WWOX: variants seen among roughly 807,000 people sequenced by gnomAD.
WWOX encodes the protein WW domain containing oxidoreductase.
WWOX carries 69 observed loss-of-function variants against 46.2 expected under a neutral mutation model. The observed-to-expected ratio is 1.49, with a 90% CI of 1.23 to 1.82. The LOEUF is 1.82. Among genes scored for constraint, WWOX ranks in the 40% most tolerant of loss-of-function variants. WWOX has a pLI of 0.00. For missense variants in WWOX, 919 were observed against 542.6 expected, an observed-to-expected ratio of 1.69 and a Z score of -6.89; for synonymous variants, 359 against 202.6, an observed-to-expected ratio of 1.77 and a Z score of -6.56.
At chr16:78,492,019 A>G (rs906779304) in intron 8 of WWOX, among the ~76,000 whole-genome samples, 9 of 86,230 alleles carry the variant, frequency 1.0e-4, no homozygotes, top group African/African-American at 2.6e-4. Context: ...GCCATTCTCA[A>G]TGGACAAAGG....
chr16:78,568,561 T>C (rs7205879), intron 8 of WWOX, among the ~76,000 whole-genome samples: 77,751 of 149,858 alleles, frequency 0.52, 22,804 homozygotes, highest in African/African-American at 0.82. Context: ...CTGCAACCTC[T>C]GCCTCCTGGA....
intron 8 of WWOX, among the ~76,000 whole-genome samples, chr16:79,058,562 A>G (rs2150544367): frequency 6.6e-6 from 1 of 152,324 alleles, no homozygotes; most frequent in Admixed American, 6.5e-5. Context: ...GGAATTGAAA[A>G]GACATTCACG....
At chr16:79,086,064 C>T (rs1290687857) in intron 8 of WWOX, among the ~76,000 whole-genome samples, 2 of 106,790 alleles carry the variant, frequency 1.9e-5, no homozygotes, top group Non-Finnish European at 3.8e-5. Context: ...AGTGTGAGAC[C>T]CCATCTCCAA....
chr16:78,423,443 A>G (rs1057148660), intron 6 of WWOX, among the ~76,000 whole-genome samples: 2 of 152,130 alleles, frequency 1.3e-5, no homozygotes, highest in Non-Finnish European at 2.9e-5. Flanking sequence ...AACACCGTGG[A>G]TAGCCTTGTA....
In WWOX at chr16:78,876,004, C is replaced by G. The variant is rs117362121; in HGVS notation, c.1057-335604C>G. Reference sequence around the variant, plus strand: ...TTTGAGTTATACCCACTTTAGGTCTCCCACCCTCTCTTATTTTTATAAACA... The same window carrying G: ...TTTGAGTTATACCCACTTTAGGTCTGCCACCCTCTCTTATTTTTATAAACA... On this transcript the variant is annotated intron_variant, in intron 8 of 8. Coordinates refer to ENST00000566780, the MANE Select transcript of WWOX (RefSeq NM_016373.4). 2.0e-4 allele frequency among the ~76,000 whole-genome samples: 30 copies of G among 152,184 alleles called. 1 individual carries two copies. The highest frequency in any genetic ancestry group is 5.3e-4 in the African/African-American group (22 of 41,528).
chr16:78,333,146 GTTCAGGCGATTC>G (rs1400269727), intron 5 of WWOX, among the ~76,000 whole-genome samples: 164 of 144,202 alleles, frequency 1.1e-3, no homozygotes, highest in Middle Eastern at 3.8e-3. Flanking sequence ...CGCCTCCCAG[GTTCAGGCGATTC>G]TCCTGCCTCA....
intron 8 of WWOX, among the ~76,000 whole-genome samples, chr16:79,049,173 G>C (rs1037075458): frequency 1.3e-5 from 2 of 152,210 alleles, no homozygotes; most frequent in Non-Finnish European, 2.9e-5. Context: ...CAACTATTCA[G>C]TTCTGCCAGT....
intron 8 of WWOX, among the ~76,000 whole-genome samples, chr16:78,738,279 AG>A (rs2049135575): frequency 6.6e-6 from 1 of 152,174 alleles, no homozygotes; most frequent in Non-Finnish European, 1.5e-5. Flanking sequence ...ATTATATATT[AG>A]GTGTGCTCTT....
At chr16:78,266,526 C>T (rs561223809) in intron 5 of WWOX, among the ~76,000 whole-genome samples, 1 of 152,276 alleles carries the variant, frequency 6.6e-6, no homozygotes, top group South Asian at 2.1e-4. Flanking sequence ...CCTCTGAAGG[C>T]AGGATAGCAT....
At chr16:78,125,729 T>G (rs1203551288) in intron 4 of WWOX, among the ~76,000 whole-genome samples, 1 of 152,126 alleles carries the variant, frequency 6.6e-6, no homozygotes, top group African/African-American at 2.4e-5. Context: ...AGCTGAAGCT[T>G]TCTTTACCAA....
intron 8 of WWOX, among the ~76,000 whole-genome samples, chr16:78,563,076 C>T (rs566008206): frequency 2.6e-5 from 4 of 152,048 alleles, no homozygotes; most frequent in African/African-American, 9.6e-5. Flanking sequence ...TCTGATTTTA[C>T]AGCATACATA....
At chr16:78,658,083 A>G (rs966817483) in intron 8 of WWOX, among the ~76,000 whole-genome samples, 1 of 152,044 alleles carries the variant, frequency 6.6e-6, no homozygotes, top group Non-Finnish European at 1.5e-5. Context: ...CAAGACATTA[A>G]GCAACATCAC....
intron 5 of WWOX, among the ~76,000 whole-genome samples, chr16:78,299,024 G>C (rs1187434223): frequency 6.6e-6 from 1 of 152,162 alleles, no homozygotes; most frequent in Non-Finnish European, 1.5e-5. Flanking sequence ...CTGGGTTGCA[G>C]CCAGCATTCT....
intron 8 of WWOX, among the ~76,000 whole-genome samples, chr16:79,128,614 A>G (rs1247669327): frequency 6.6e-6 from 1 of 152,082 alleles, no homozygotes; most frequent in African/African-American, 2.4e-5. Flanking sequence ...GCAGTGGCAC[A>G]GAAGGGTCTG....
At chr16:78,991,121 G>T (rs1202816893) in intron 8 of WWOX, among the ~76,000 whole-genome samples, 1 of 152,186 alleles carries the variant, frequency 6.6e-6, no homozygotes, top group Non-Finnish European at 1.5e-5. Context: ...GAAAAGTGAA[G>T]GAAAGTACCT....
chr16:78,268,375 G>C (rs565623875), intron 5 of WWOX, among the ~76,000 whole-genome samples: 1 of 152,300 alleles, frequency 6.6e-6, no homozygotes, highest in East Asian at 1.9e-4. Flanking sequence ...TCTTGGCCAA[G>C]TGTAGATTAT....
intron 8 of WWOX, among the ~76,000 whole-genome samples, chr16:78,910,339 C>A (rs1282198216): frequency 6.6e-6 from 1 of 150,872 alleles, no homozygotes; most frequent in African/African-American, 2.4e-5. Flanking sequence ...TTGAGACTAA[C>A]AAGGGCCCTG....
At chr16:78,177,795 G>A (rs1462644026) in intron 5 of WWOX, among the ~76,000 whole-genome samples, 2 of 152,322 alleles carry the variant, frequency 1.3e-5, no homozygotes, top group East Asian at 1.9e-4. Flanking sequence ...AGGGGAGTGC[G>A]GGGTCTGGAG....
chr16:78,469,278 T>C (rs2084163410), intron 8 of WWOX, among the ~76,000 whole-genome samples: 1 of 152,040 alleles, frequency 6.6e-6, no homozygotes, highest in South Asian at 2.1e-4. Context: ...GAACTGGTAC[T>C]ATGAAGACAT....
Sources: gnomAD v4.1 joint callset for allele counts (sites outside exome capture counted in the v4.1 genomes callset) on GRCh38, gnomAD v4.1.1 for gene constraint, MANE v1.5 for transcripts, NCBI Gene and HGNC (gene_info 2026-07-23, HGNC 2026-07-21) for gene names.